Variants in PLEKHA1 observed in about 807,000 individuals in gnomAD.
The protein encoded by PLEKHA1 is pleckstrin homology domain-containing family A member 1.
PLEKHA1 carries 34 observed loss-of-function variants against 52.0 expected under a neutral mutation model. The ratio of observed to expected loss-of-function variants is 0.65; its 90% CI spans 0.50 to 0.87. The LOEUF (loss-of-function observed/expected upper bound fraction) is 0.87, where lower values mean the gene tolerates loss of function less well. PLEKHA1 is among the 40% of genes least tolerant of loss of function. The pLI is 0.00. For synonymous variants in PLEKHA1, 163 were observed against 170.7 expected (o/e 0.95, Z 0.35); for missense variants, 497 against 504.2 (o/e 0.99, Z 0.14).
At chr10:122,376,586 C>CT (rs1590157660) in intron 1 of PLEKHA1, among the ~76,000 whole-genome samples, 1 of 151,252 alleles carries the variant, frequency 6.6e-6, no homozygotes, top group Non-Finnish European at 1.5e-5. Context: ...AGCTTCCAAT[C>CT]TTTATCTTGT....
chr10:122,433,366 T>G (rs1263616268), downstream of PLEKHA1: 1 of 152,304 alleles, frequency 6.6e-6, no homozygotes, highest in Non-Finnish European at 1.5e-5. Flanking sequence ...ATGGGGCACG[T>G]TAGCAACGAA....
intron 1 of PLEKHA1, among the ~76,000 whole-genome samples, chr10:122,380,505 C>T (rs1466589045): frequency 2.0e-5 from 3 of 152,180 alleles, no homozygotes; most frequent in South Asian, 2.1e-4. Flanking sequence ...TCACTGAGAA[C>T]GTGACTTTGA....
chr10:122,417,223 G>A (rs373191792), intron 7 of PLEKHA1, among the ~76,000 whole-genome samples: 3 of 152,016 alleles, frequency 2.0e-5, no homozygotes, highest in East Asian at 3.9e-4. Flanking sequence ...GAATTCATAT[G>A]TTTTTACAGA....
intron 5 of PLEKHA1, among the ~76,000 whole-genome samples, chr10:122,407,275 G>C (rs1283645000): frequency 6.6e-6 from 1 of 152,080 alleles, no homozygotes; most frequent in Non-Finnish European, 1.5e-5. Context: ...TGGTACCCTT[G>C]CCCTCCTTTC....
rs1485248173 is a variant in PLEKHA1, at chr10:122,406,624, A to G, written c.293A>G (p.Gln98Arg). Residue 98 changes from glutamine to arginine, a missense_variant, in exon 5 of 12, where the codon CAG (glutamine) becomes CGG (arginine). By Grantham distance (43) the Gln-to-Arg change is conservative. Coordinates refer to ENST00000368990, the MANE Select transcript of PLEKHA1 (RefSeq NM_001001974.4). ...TACTTCCTACAAGCCAATGATCAGC[A>G]GGACCTAGTGGAATGGGTAAATGTG... ...RKYFLQANDQ[Q>R]DLVEWVNVLN... The G allele has an allele frequency of 1.2e-6, 2 of 1,613,556 alleles. No individual in the cohort carries two copies. Among genetic ancestry groups the G allele is most frequent in the Non-Finnish European group, 1.7e-6 (2 of 1,179,506 alleles).
In PLEKHA1 at chr10:122,374,824, G is replaced by A. The variant is rs2096496476; in HGVS notation, c.-21+18G>A. On this transcript the variant is annotated intron_variant, in intron 1 of 11. Transcript: ENST00000368990. The stretch of plus-strand genomic sequence containing the variant: ...AGGCCGCGGTAAAGTTTAGCTTGAA[G>A]AACGCGGCCGCGCTGGAGCAGGGGT... 1 of 152,300 alleles carries A rather than the reference G, an allele frequency of 6.6e-6. No individual in the cohort carries two copies. Among genetic ancestry groups the A allele is most frequent in the Admixed American group, 6.6e-5 (1 of 15,232 alleles). 9.4% of individuals were successfully genotyped at this position (152,300 alleles called of 1,614,324 possible).
the PLEKHA1 span, chr10:122,440,374 C>T: frequency 5.9e-5 from 9 of 152,196 alleles, no homozygotes; most frequent in Admixed American, 1.3e-4. Flanking sequence ...GTATATCTGG[C>T]ACTCCAGTTC....
intron 4 of PLEKHA1, among the ~76,000 whole-genome samples, chr10:122,402,907 T>A (rs2096951345): frequency 6.6e-6 from 1 of 152,162 alleles, no homozygotes; most frequent in South Asian, 2.1e-4. Flanking sequence ...GCAGCCAGGT[T>A]TAGGTGAGTA....
At chr10:122,398,352 T>C (rs1451596033) in intron 3 of PLEKHA1, among the ~76,000 whole-genome samples, 1 of 152,142 alleles carries the variant, frequency 6.6e-6, no homozygotes, top group Non-Finnish European at 1.5e-5. Context: ...GATACTTTGT[T>C]TCTTAATGTT....
chr10:122,399,894 G>A (rs2096904342), intron 3 of PLEKHA1, among the ~76,000 whole-genome samples: 1 of 152,050 alleles, frequency 6.6e-6, no homozygotes, highest in South Asian at 2.1e-4. Context: ...CTAGATTTGT[G>A]GACTTTAAAT....
downstream of PLEKHA1, chr10:122,436,976 C>G (rs1169260663): frequency 7.3e-6 from 1 of 137,282 alleles, no homozygotes; most frequent in Non-Finnish European, 1.5e-5. Flanking sequence ...TTTCCATGGT[C>G]AGGAACTTAC....
At chr10:122,428,403 T>G (rs1321366978) in intron 11 of PLEKHA1, 20 of 1,497,352 alleles carry the variant, frequency 1.3e-5, no homozygotes, top group Non-Finnish European at 1.7e-5. Flanking sequence ...ACTTACTACT[T>G]ACAACTGATC....
chr10:122,381,679 T>C (rs551951170), intron 1 of PLEKHA1, among the ~76,000 whole-genome samples: 51 of 152,292 alleles, frequency 3.3e-4, no homozygotes, highest in South Asian at 8.3e-4. Context: ...CAGGTAGTTC[T>C]TTATAGCAAT....
chr10:122,387,851 T>A (rs951049703), intron 1 of PLEKHA1: 1 of 152,218 alleles, frequency 6.6e-6, no homozygotes, highest in African/African-American at 2.4e-5. Flanking sequence ...TCAGATTTCC[T>A]ACATGACAGC....
intron 1 of PLEKHA1, among the ~76,000 whole-genome samples, chr10:122,379,199 GGT>G (rs2096580596): frequency 6.6e-6 from 1 of 152,036 alleles, no homozygotes; most frequent in Non-Finnish European, 1.5e-5. Flanking sequence ...TTTACCCACT[GGT>G]TACGTGAATG....
intron 1 of PLEKHA1, among the ~76,000 whole-genome samples, chr10:122,378,758 GAAAAAC>G (rs2096573511): frequency 6.8e-6 from 1 of 147,822 alleles, no homozygotes; most frequent in African/African-American, 2.5e-5. Flanking sequence ...AAAAAAAACA[GAAAAAC>G]AAAAACAAAA....
In PLEKHA1 at chr10:122,430,694, C is replaced by G. The variant is rs1349010035; in HGVS notation, c.*756C>G. ...TTTTGGGAGATCTGATTTTCTTATCCAAGTTTTGTAAATAGTTGTTATTTC... is the reference window on the plus strand; with the variant it reads ...TTTTGGGAGATCTGATTTTCTTATCGAAGTTTTGTAAATAGTTGTTATTTC... On this transcript the variant is annotated 3_prime_UTR_variant, in exon 12 of 12. Transcript: ENST00000368990. 1 of 152,062 alleles carries G rather than the reference C, an allele frequency of 6.6e-6. No homozygotes were observed. The highest frequency in any genetic ancestry group is 1.9e-4 in the East Asian group (1 of 5,194). The allele number at this position is 152,062 out of a possible 1,614,324, so 9.4% of individuals were successfully genotyped here.
intron 6 of PLEKHA1, among the ~76,000 whole-genome samples, chr10:122,414,702 C>T (rs1004713288): frequency 2.6e-5 from 4 of 151,942 alleles, no homozygotes; most frequent in Non-Finnish European, 5.9e-5. Flanking sequence ...AGATGTTCAC[C>T]ATCATTAGCT....
chr10:122,403,567 T>C (rs1427233021), intron 4 of PLEKHA1, among the ~76,000 whole-genome samples: 1 of 151,630 alleles, frequency 6.6e-6, no homozygotes, highest in African/African-American at 2.4e-5. Flanking sequence ...AAACCCTTGC[T>C]TTAGGGTTTT....
Sources: allele counts gnomAD v4.1 joint callset (sites outside exome capture counted in the v4.1 genomes callset), GRCh38; gene constraint gnomAD v4.1.1; transcripts MANE v1.5; gene names NCBI Gene and HGNC (gene_info 2026-07-23, HGNC 2026-07-21).